CDK14: variants seen among roughly 807,000 people sequenced by gnomAD.
CDK14 encodes the protein cyclin dependent kinase 14.
CDK14 carries 34 observed loss-of-function variants against 60.7 expected under a neutral mutation model. The observed-to-expected ratio is 0.56, with a 90% confidence interval of 0.43 to 0.75. The LOEUF (loss-of-function observed/expected upper bound fraction) is 0.75, where lower values mean the gene tolerates loss of function less well. Ranked by LOEUF, CDK14 falls within the 30% of genes least tolerant of loss-of-function variation. The pLI is 0.00. For synonymous variants in CDK14, 197 were observed against 203.7 expected (o/e 0.97, Z 0.28); for missense variants, 482 against 564.1 (o/e 0.85, Z 1.47).
At chr7:91,166,499 A>T (rs1365153894) in intron 14 of CDK14, among the ~76,000 whole-genome samples, 1 of 152,248 alleles carries the variant, frequency 6.6e-6, no homozygotes, top group Non-Finnish European at 1.5e-5. Context: ...TAATCTATGA[A>T]ATGAAATTGT....
intron 3 of CDK14, among the ~76,000 whole-genome samples, chr7:90,740,906 C>G (rs1803317606): frequency 6.6e-6 from 1 of 152,060 alleles, no homozygotes; most frequent in African/African-American, 2.4e-5. Context: ...TGGTCTTGGG[C>G]AAATCGGTGT....
At position 90,924,138 on chromosome 7, in the gene CDK14, TGA is replaced by T. The variant is rs550376563; in HGVS notation, c.826+6416_826+6417del. On this transcript the variant is annotated intron_variant, in intron 8 of 14. Transcript: ENST00000380050. ...GTCTTATAGAGGCTAAGTCCAAGGTTGAGGGGCTCCTTTTGTGAGGGCCTTCT... is the reference window on the plus strand; with the variant it reads ...GTCTTATAGAGGCTAAGTCCAAGGTTGGGGCTCCTTTTGTGAGGGCCTTCT... Among the ~76,000 whole-genome samples the T allele has an allele frequency of 2.0e-4, 31 of 152,370 alleles. No homozygotes were observed. In the South Asian group the frequency reaches 5.4e-3, roughly 26 times the overall value.
chr7:90,912,275 T>A (rs1455144870), intron 7 of CDK14, among the ~76,000 whole-genome samples: 1 of 152,150 alleles, frequency 6.6e-6, no homozygotes, highest in Non-Finnish European at 1.5e-5. Context: ...GTTATCTATT[T>A]CTAAGATTTT....
At chr7:90,605,910 T>C (rs1277776206) in intron 2 of CDK14, among the ~76,000 whole-genome samples, 1 of 152,230 alleles carries the variant, frequency 6.6e-6, no homozygotes, top group Non-Finnish European at 1.5e-5. Flanking sequence ...AAAAAGCACC[T>C]GAGGCTGGAG....
intron 6 of CDK14, among the ~76,000 whole-genome samples, chr7:90,872,902 A>G (rs1486548134): frequency 6.6e-6 from 1 of 152,206 alleles, no homozygotes; most frequent in African/African-American, 2.4e-5. Flanking sequence ...GATTTTTATA[A>G]TATTTTAATT....
At chr7:91,089,310 A>G (rs965808477) in intron 12 of CDK14, among the ~76,000 whole-genome samples, 4 of 152,174 alleles carry the variant, frequency 2.6e-5, no homozygotes, top group East Asian at 1.9e-4. Flanking sequence ...GGAAAACGGC[A>G]TGATAGGACT....
intron 8 of CDK14, among the ~76,000 whole-genome samples, chr7:90,953,183 T>C (rs1179912310): frequency 5.0e-5 from 3 of 59,430 alleles, no homozygotes; most frequent in Non-Finnish European, 9.6e-5. Context: ...CTTTCTACAA[T>C]AAATTGTTTT....
chr7:90,627,964 T>A (rs1378130322), intron 2 of CDK14, among the ~76,000 whole-genome samples: 4 of 152,182 alleles, frequency 2.6e-5, no homozygotes, highest in Non-Finnish European at 5.9e-5. Context: ...TTCTCAATTA[T>A]TATTATTTTT....
intron 2 of CDK14, among the ~76,000 whole-genome samples, chr7:90,642,501 G>GA (rs1173410178): frequency 4.6e-5 from 7 of 151,896 alleles, no homozygotes; most frequent in African/African-American, 1.7e-4. Flanking sequence ...CTGACACTCA[G>GA]AAAAAATGAA....
intron 5 of CDK14, among the ~76,000 whole-genome samples, chr7:90,829,801 G>A (rs1203969845): frequency 6.6e-6 from 1 of 152,166 alleles, no homozygotes; most frequent in African/African-American, 2.4e-5. Context: ...CCAAAGTGCT[G>A]GGATTACAGG....
At chr7:90,861,523 C>G (rs1791009754) in intron 5 of CDK14, among the ~76,000 whole-genome samples, 1 of 152,134 alleles carries the variant, frequency 6.6e-6, no homozygotes, top group Non-Finnish European at 1.5e-5. Context: ...CTGTGTAGTT[C>G]ATTCACAGCA....
chr7:90,785,471 A>G (rs948885105), intron 4 of CDK14, among the ~76,000 whole-genome samples: 18 of 152,170 alleles, frequency 1.2e-4, no homozygotes, highest in African/African-American at 4.3e-4. Context: ...TTTGCAGAAC[A>G]TTAAATGAAC....
chr7:90,941,358 G>C (rs1318871434), intron 8 of CDK14, among the ~76,000 whole-genome samples: 1 of 152,170 alleles, frequency 6.6e-6, no homozygotes, highest in Non-Finnish European at 1.5e-5. Context: ...TGTACCCACT[G>C]CCTGAATCAC....
At chr7:91,046,736 C>T (rs900770987) in intron 11 of CDK14, among the ~76,000 whole-genome samples, 2 of 151,806 alleles carry the variant, frequency 1.3e-5, no homozygotes, top group Admixed American at 6.6e-5. Context: ...TTACAAAATG[C>T]AGACCCACCA....
rs1791065555 is a variant in CDK14 at position 90,863,269 on chromosome 7, G to C, written c.639G>C (p.Val213=). 1 of 1,526,628 alleles carries C rather than the reference G, an allele frequency of 6.6e-7. No homozygotes were observed. The highest frequency in any genetic ancestry group is 1.1e-5 in the South Asian group (1 of 87,210). 94.6% of individuals were successfully genotyped at this position (1,526,628 alleles called of 1,614,324 possible). ...KETLTLVFEY[V]HTDLCQYMDK... Reference sequence around the variant, plus strand: ...CGCTGACACTTGTGTTTGAATATGTGGTAAGTAAAATAAGACTTTTAAATT... The same window carrying C: ...CGCTGACACTTGTGTTTGAATATGTCGTAAGTAAAATAAGACTTTTAAATT... The change falls in exon 6 of 15, where the codon GTG becomes GTC. Residue 213 remains valine, a splice_region_variant and synonymous_variant. Coordinates refer to ENST00000380050, the MANE Select transcript of CDK14 (RefSeq NM_001287135.2).
intron 2 of CDK14, among the ~76,000 whole-genome samples, chr7:90,625,415 TC>T (rs1309049947): frequency 3.9e-5 from 6 of 152,258 alleles, no homozygotes; most frequent in African/African-American, 1.4e-4. Flanking sequence ...TTGGTTAGTT[TC>T]TTCCTCTCCT....
intron 5 of CDK14, among the ~76,000 whole-genome samples, chr7:90,796,401 G>C (rs73707885): frequency 0.014 from 2,066 of 152,196 alleles, 40 homozygotes; most frequent in African/African-American, 0.046. Flanking sequence ...GTGAAGTATT[G>C]ATTACAGATT....
At chr7:90,881,738 C>T (rs964423526) in intron 6 of CDK14, among the ~76,000 whole-genome samples, 1 of 152,152 alleles carries the variant, frequency 6.6e-6, no homozygotes, top group Non-Finnish European at 1.5e-5. Flanking sequence ...CAGTGGAACT[C>T]TCAGCAGAAA....
At chr7:91,073,750 G>A (rs1798219249) in intron 11 of CDK14, among the ~76,000 whole-genome samples, 1 of 150,796 alleles carries the variant, frequency 6.6e-6, no homozygotes, top group Non-Finnish European at 1.5e-5. Flanking sequence ...CGGTACCCAC[G>A]AGACCCATCT....
Sources: gnomAD v4.1 joint callset for allele counts (sites outside exome capture counted in the v4.1 genomes callset) on GRCh38, gnomAD v4.1.1 for gene constraint, MANE v1.5 for transcripts, NCBI Gene and HGNC (gene_info 2026-07-23, HGNC 2026-07-21) for gene names.